The following KLF4 variants were observed in gnomAD, a reference collection of about 807,000 sequenced individuals.
KLF4 encodes the protein Krueppel-like factor 4.
In KLF4, 14 loss-of-function variants were observed where a neutral mutation model predicts 38.0. The observed-to-expected ratio is 0.37, with a 90% CI of 0.24 to 0.58. KLF4 has a LOEUF of 0.58. KLF4 is among the 20% of genes least tolerant of loss of function. The pLI, the probability that KLF4 is intolerant of heterozygous loss-of-function variation, is 0.76. For synonymous variants in KLF4, 398 were observed against 302.5 expected (o/e 1.32, Z -3.28); for missense variants, 737 against 670.1 (o/e 1.10, Z -1.10).
rs1192204949 is a variant in KLF4, at chr9:107,488,996, G to C, written c.60C>G (p.Phe20Leu). 8.9e-6 allele frequency: 14 copies of C among 1,567,984 alleles called. No individual in the cohort carries two copies. The highest frequency in any genetic ancestry group is 1.2e-5 in the Non-Finnish European group (14 of 1,155,970). ...CCGCCGGGCCAGACGCGAACGTGGA[G>C]AAAGATGGGAGCAGCGCGTCGCTGA... ...MAVSDALLPS[F>L]STFASGPAGR... The change falls in exon 2 of 5, where the codon TTC becomes TTG. Residue 20 changes from phenylalanine (F) to leucine (L), a missense_variant. Transcript: ENST00000374672. This position sits in a 1 kb window ranked among gnomAD's most constrained non-coding sequence, Gnocchi z 5.7.
Position 107,488,999 on chromosome 9 carries a change from A to G in KLF4, c.57T>C (p.Ser19=). 2 of 1,566,978 alleles carry G rather than the reference A, an allele frequency of 1.3e-6. No homozygotes were observed. Among genetic ancestry groups the G allele is most frequent in the South Asian group, 2.3e-5 (2 of 85,198 alleles). Residue 19 remains serine (S), a synonymous_variant, in exon 2 of 5, where the codon TCT becomes TCC. Coordinates refer to ENST00000374672, the MANE Select transcript of KLF4 (RefSeq NM_004235.6). This position sits in a 1 kb window ranked among gnomAD's most constrained non-coding sequence, Gnocchi z 5.7. The part of the protein sequence containing the change: ...DMAVSDALLP[S]FSTFASGPAG... ...CCGGGCCAGACGCGAACGTGGAGAA[A>G]GATGGGAGCAGCGCGTCGCTGACAG...
rs1293954713 is a variant in KLF4, at chr9:107,489,017, G to C, written c.39C>G (p.Ser13Arg). 6.4e-7 allele frequency: 1 copy of C among 1,562,424 alleles called. No individual in the cohort carries two copies. The highest frequency in any genetic ancestry group is 1.4e-5 in the African/African-American group (1 of 73,714). ...TGGAGAAAGATGGGAGCAGCGCGTC[G>C]CTGACAGCCATGTCAGACTCGCCAG... ...QPPGESDMAVSDALLPSFSTF... is the reference protein window; with the variant it reads ...QPPGESDMAVRDALLPSFSTF... The change falls in exon 2 of 5, where the codon AGC (serine) becomes AGG (arginine). Residue 13 changes from serine to arginine, a missense_variant. Ser to Arg is a moderately radical substitution (Grantham distance 110). This residue lies in a region of KLF4 where 695 missense variants were observed against 554.5 expected (regional missense o/e 1.25). Transcript: ENST00000374672.
At position 107,489,168 on chromosome 9, in the gene KLF4, C is replaced by T; in HGVS notation, c.5G>A (p.Arg2Lys). 1 of 1,523,520 alleles carries T rather than the reference C, an allele frequency of 6.6e-7. No homozygotes were observed. The highest frequency in any genetic ancestry group is 8.8e-7 in the Non-Finnish European group (1 of 1,132,062). 94.4% of individuals were successfully genotyped at this position (1,523,520 alleles called of 1,614,324 possible). A position where few individuals can be genotyped will look rare whatever the true frequency, so the allele number is the denominator to read the frequency against. Residue 2 changes from arginine (R) to lysine (K), a missense_variant and splice_region_variant, in exon 1 of 5, where the codon AGG (arginine) becomes AAG (lysine). Around this residue, in one of 2 missense-constraint regions of KLF4, gnomAD observed 695 missense variants for 554.5 expected, o/e 1.25. Coordinates refer to ENST00000374672, the MANE Select transcript of KLF4 (RefSeq NM_004235.6). MRQPPGESDMAV... is the reference protein window; with the variant it reads MKQPPGESDMAV... ...TCCCAGCGCCGCGCGCCTCACCTAC[C>T]TCATTAATGTGGGGGCCCAGAAGGT... is the stretch of plus-strand genomic sequence containing the variant.
Position 107,488,593 on chromosome 9 carries a change from G to T in KLF4, c.127-326C>A. On this transcript the variant is annotated intron_variant, in intron 2 of 4. Transcript: ENST00000374672. This position sits in a 1 kb window ranked among gnomAD's most constrained non-coding sequence, Gnocchi z 5.7. ...GGCTCTCTCGGTGCGCTCTCGCCAC[G>T]GGGCCGCCTACGCGCTAAACTCACT... is the stretch of plus-strand genomic sequence containing the variant. 2.0e-6 allele frequency: 1 copy of T among 493,132 alleles called. No individual in the cohort carries two copies. Among genetic ancestry groups the T allele is most frequent in the Non-Finnish European group, 3.6e-6 (1 of 279,818 alleles). 30.5% of individuals were successfully genotyped at this position (493,132 alleles called of 1,614,324 possible).
intron 4 of KLF4, among the ~76,000 whole-genome samples, chr9:107,486,313 G>T (rs1199097269): frequency 6.6e-6 from 1 of 151,954 alleles, no homozygotes; most frequent in African/African-American, 2.4e-5. Context: ...TTCCTACTAC[G>T]ACTGGGGATA....
In KLF4 at chr9:107,488,825, C is replaced by G. The variant is rs954280571; in HGVS notation, c.126+105G>C. On this transcript the variant is annotated intron_variant, in intron 2 of 4. Transcript: ENST00000374672. The surrounding 1 kb of genome is among the most constrained non-coding windows in gnomAD (Gnocchi z 5.7). ...TTGCGGAGTCCGCGCGGTGGCCGCT[C>G]CTTACCCTCGTTCAGTGGCTCTTGG... 2.1e-6 allele frequency: 3 copies of G among 1,448,010 alleles called. No homozygotes were observed. The highest frequency in any genetic ancestry group is 2.8e-6 in the Non-Finnish European group (3 of 1,080,568). The allele number at this position is 1,448,010 out of a possible 1,614,324, so 89.7% of individuals were successfully genotyped here.
At chr9:107,486,043 GA>G in intron 4 of KLF4, 117 bp from the exon 5 acceptor site, 1 of 851,672 alleles carries the variant, frequency 1.2e-6, no homozygotes, top group Non-Finnish European at 1.8e-6. Flanking sequence ...AGAAATCCAG[GA>G]ATGTCTTTAT....
Position 107,488,208 on chromosome 9 carries a change from G to A in KLF4, c.186C>T (p.Pro62=). ...KRLPPVLPGR[P]YDLAAATVAT... is the part of the protein sequence containing the mutation. ...CCACGGTCGCCGCCGCCAGGTCATA[G>A]GGGCGGCCGGGAAGCACTGGGGGAA... Residue 62 remains proline (P), a synonymous_variant, in exon 3 of 5, where the codon CCC becomes CCT. Coordinates refer to ENST00000374672, the MANE Select transcript of KLF4 (RefSeq NM_004235.6). This position sits in a 1 kb window ranked among gnomAD's most constrained non-coding sequence, Gnocchi z 5.7. 3 of 1,611,716 alleles carry A rather than the reference G, an allele frequency of 1.9e-6. No individual in the cohort carries two copies. The highest frequency in any genetic ancestry group is 2.5e-6 in the Non-Finnish European group (3 of 1,179,492).
At position 107,485,072 on chromosome 9, in the gene KLF4, T is replaced by G. The variant is rs1408479421; in HGVS notation, c.*679A>C. The G allele has an allele frequency of 4.9e-6, 1 of 202,538 alleles. No homozygotes were observed. Among genetic ancestry groups the G allele is most frequent in the East Asian group, 7.7e-5 (1 of 13,014 alleles). 12.5% of individuals were successfully genotyped at this position (202,538 alleles called of 1,614,324 possible). Reference sequence around the variant, plus strand: ...TGGGAATAAACCATTGTACAAATTATTGCACATCTGAAACCACAGTGCATA... The same window carrying G: ...TGGGAATAAACCATTGTACAAATTAGTGCACATCTGAAACCACAGTGCATA... On this transcript the variant is annotated 3_prime_UTR_variant, in exon 5 of 5. Transcript: ENST00000374672. This position sits in a 1 kb window ranked among gnomAD's most constrained non-coding sequence, Gnocchi z 4.9.
chr9:107,488,200 A>C lies in KLF4; in HGVS notation c.194T>G (p.Leu65Arg). Reference protein sequence around the residue: ...PPVLPGRPYDLAAATVATDLE... With the variant: ...PPVLPGRPYDRAAATVATDLE... The stretch of plus-strand genomic sequence containing the variant: ...GTCTGTGGCCACGGTCGCCGCCGCC[A>C]GGTCATAGGGGCGGCCGGGAAGCAC... The change falls in exon 3 of 5, where the codon CTG (leucine) becomes CGG (arginine). Residue 65 changes from leucine to arginine, a missense_variant. Transcript: ENST00000374672. This position sits in a 1 kb window ranked among gnomAD's most constrained non-coding sequence, Gnocchi z 5.7. 1 of 1,612,048 alleles carries C rather than the reference A, an allele frequency of 6.2e-7. No individual in the cohort carries two copies. Among genetic ancestry groups the C allele is most frequent in the Non-Finnish European group, 8.5e-7 (1 of 1,179,650 alleles).
Position 107,487,500 on chromosome 9 carries a change from G to C in KLF4, c.894C>G (p.His298Gln). The part of the protein sequence containing the change: ...LGAGPPLSNG[H>Q]RPAAHDFPLG... The stretch of plus-strand genomic sequence containing the variant: ...GGGGGAAGTCGTGTGCAGCCGGCCG[G>C]TGGCCATTGCTGAGAGGGGGTCCAG... Residue 298 changes from histidine to glutamine, a missense_variant, in exon 3 of 5, where the codon CAC becomes CAG. Around this residue, in one of 2 missense-constraint regions of KLF4, gnomAD observed 695 missense variants for 554.5 expected, o/e 1.25. Coordinates refer to ENST00000374672, the MANE Select transcript of KLF4 (RefSeq NM_004235.6). The surrounding 1 kb of genome is among the most constrained non-coding windows in gnomAD (Gnocchi z 6.1). 1.9e-6 allele frequency: 3 copies of C among 1,543,426 alleles called. 1 individual carries two copies. Among genetic ancestry groups the C allele is most frequent in the Middle Eastern group, 3.5e-4 (2 of 5,702 alleles).
chr9:107,485,336 A>G lies in KLF4; in HGVS notation c.*415T>C, dbSNP rs1829041418. 1 of 229,094 alleles carries G rather than the reference A, an allele frequency of 4.4e-6. No individual in the cohort carries two copies. The highest frequency in any genetic ancestry group is 5.7e-5 in the Admixed American group (1 of 17,604). 14.2% of individuals were successfully genotyped at this position (229,094 alleles called of 1,614,324 possible). A position where few individuals can be genotyped will look rare whatever the true frequency, so the allele number is the denominator to read the frequency against. Reference sequence around the variant, plus strand: ...TTCCTCTTCTTCTAACATCATAATAATGGCTTTTAGAAGGTAAAGAGAATA... The same window carrying G: ...TTCCTCTTCTTCTAACATCATAATAGTGGCTTTTAGAAGGTAAAGAGAATA... On this transcript the variant is annotated 3_prime_UTR_variant, in exon 5 of 5. Transcript: ENST00000374672. This position sits in a 1 kb window ranked among gnomAD's most constrained non-coding sequence, Gnocchi z 4.9.
At position 107,489,012 on chromosome 9, in the gene KLF4, G is replaced by A. The variant is rs1829142287; in HGVS notation, c.44C>T (p.Ala15Val). The A allele has an allele frequency of 6.4e-7, 1 of 1,563,830 alleles. No homozygotes were observed. The highest frequency in any genetic ancestry group is 2.4e-5 in the East Asian group (1 of 42,008). Reference protein sequence around the residue: ...PGESDMAVSDALLPSFSTFAS... With the variant: ...PGESDMAVSDVLLPSFSTFAS... ...GAACGTGGAGAAAGATGGGAGCAGC[G>A]CGTCGCTGACAGCCATGTCAGACTC... is the stretch of plus-strand genomic sequence containing the variant. Residue 15 changes from alanine (A) to valine (V), a missense_variant, in exon 2 of 5, where the codon GCG becomes GTG. Ala to Val is a moderately conservative substitution (Grantham distance 64, BLOSUM62 0). Around this residue, in one of 2 missense-constraint regions of KLF4, gnomAD observed 695 missense variants for 554.5 expected, o/e 1.25. Coordinates refer to ENST00000374672, the MANE Select transcript of KLF4 (RefSeq NM_004235.6).
In KLF4 at chr9:107,487,788, C is replaced by T. The variant is rs762471394; in HGVS notation, c.606G>A (p.Glu202=). The T allele has an allele frequency of 7.3e-5, 112 of 1,542,958 alleles. No individual in the cohort carries two copies. In the South Asian group the frequency reaches 1.2e-3, roughly 17 times the overall value. ...DVSPSGGFVA[E]LLRPELDPVY... is the part of the protein sequence containing the mutation. ...CCGGGTCCAATTCTGGCCGCAGGAGCTCGGCCACGAAGCCGCCCGAGGGGC... is the reference window on the plus strand; with the variant it reads ...CCGGGTCCAATTCTGGCCGCAGGAGTTCGGCCACGAAGCCGCCCGAGGGGC... Residue 202 remains glutamate (E), a synonymous_variant, in exon 3 of 5, where the codon GAG becomes GAA. Transcript: ENST00000374672. The surrounding 1 kb of genome is among the most constrained non-coding windows in gnomAD (Gnocchi z 6.1).
rs989942252 is a variant in KLF4, at chr9:107,487,721, G to C, written c.673C>G (p.Leu225Val). 7 of 1,598,966 alleles carry C rather than the reference G, an allele frequency of 4.4e-6. No individual in the cohort carries two copies. The highest frequency in any genetic ancestry group is 5.1e-6 in the Non-Finnish European group (6 of 1,173,904). Reference protein sequence around the residue: ...PQQPQPPGGGLMGKFVLKASL... With the variant: ...PQQPQPPGGGVMGKFVLKASL... The stretch of plus-strand genomic sequence containing the variant: ...GCCTTCAGCACGAACTTGCCCATCA[G>C]CCCGCCACCTGGCGGCTGCGGCTGC... The change falls in exon 3 of 5, where the codon CTG becomes GTG. Residue 225 changes from leucine to valine, a missense_variant. Physicochemically the swap from Leu to Val is conservative, Grantham distance 32. Coordinates refer to ENST00000374672, the MANE Select transcript of KLF4 (RefSeq NM_004235.6). This position sits in a 1 kb window ranked among gnomAD's most constrained non-coding sequence, Gnocchi z 6.1.
chr9:107,487,829 C>T lies in KLF4; in HGVS notation c.565G>A (p.Asp189Asn), dbSNP rs767399591. 3.3e-6 allele frequency: 5 copies of T among 1,528,842 alleles called. No homozygotes were observed. Among genetic ancestry groups the T allele is most frequent in the Non-Finnish European group, 4.4e-6 (5 of 1,135,680 alleles). 94.7% of individuals were successfully genotyped at this position (1,528,842 alleles called of 1,614,324 possible). A position where few individuals can be genotyped will look rare whatever the true frequency, so the allele number is the denominator to read the frequency against. ...CCCGAGGGGCTCACGTCGTTGATGT[C>T]CGCCAGGTTGAAGGGAGCCGTCGGA... The part of the protein sequence containing the change: ...PPPTAPFNLA[D>N]INDVSPSGGF... Residue 189 changes from aspartate to asparagine, a missense_variant, in exon 3 of 5, where the codon GAC becomes AAC. Coordinates refer to ENST00000374672, the MANE Select transcript of KLF4 (RefSeq NM_004235.6). The surrounding 1 kb of genome is among the most constrained non-coding windows in gnomAD (Gnocchi z 6.1).
rs774867580 is a variant in KLF4 at position 107,488,946 on chromosome 9, G to A, written c.110C>T (p.Ala37Val). The A allele has an allele frequency of 7.1e-6, 11 of 1,558,594 alleles. No individual in the cohort carries two copies. The South Asian group carries it at 1.1e-4, about 15-fold the overall frequency. The part of the protein sequence containing the change: ...PAGREKTLRQ[A>V]GAPNNRWREE... Reference sequence around the variant, plus strand: ...GATACTCACGTTATTCGGGGCACCTGCTTGACGCAGTGTCTTCTCCCTTCC... The same window carrying A: ...GATACTCACGTTATTCGGGGCACCTACTTGACGCAGTGTCTTCTCCCTTCC... Residue 37 changes from alanine (A) to valine (V), a missense_variant, in exon 2 of 5, where the codon GCA (alanine) becomes GTA (valine). Physicochemically the swap from Ala to Val is moderately conservative, Grantham distance 64. Coordinates refer to ENST00000374672, the MANE Select transcript of KLF4 (RefSeq NM_004235.6). This position sits in a 1 kb window ranked among gnomAD's most constrained non-coding sequence, Gnocchi z 5.7.
chr9:107,485,784 G>A lies in KLF4; in HGVS notation c.1407C>T (p.Asp469=), dbSNP rs1211653119. The change falls in exon 5 of 5, where the codon GAC becomes GAT. Residue 469 remains aspartate, a synonymous_variant. Transcript: ENST00000374672. This position sits in a 1 kb window ranked among gnomAD's most constrained non-coding sequence, Gnocchi z 4.9. ...QKCDRAFSRS[D]HLALHMKRHF ...GCCTCTTCATGTGTAAGGCGAGGTG[G>A]TCCGACCTGGAAAATGCTCGGTCGC... 6.2e-7 allele frequency: 1 copy of A among 1,606,938 alleles called. No homozygotes were observed. The highest frequency in any genetic ancestry group is 1.7e-5 in the Admixed American group (1 of 58,132).
intron 4 of KLF4, among the ~76,000 whole-genome samples, chr9:107,486,677 A>G (rs974825845): frequency 1.2e-4 from 18 of 152,172 alleles, no homozygotes; most frequent in African/African-American, 3.9e-4. Context: ...TTTGCATAGC[A>G]AAGTATAATT....
Sources: allele counts gnomAD v4.1 joint callset (sites outside exome capture counted in the v4.1 genomes callset), GRCh38; gene constraint gnomAD v4.1.1; regional missense constraint gnomAD v4.1.1; non-coding constraint Gnocchi (gnomAD v3.1); transcripts MANE v1.5; gene names NCBI Gene and HGNC (gene_info 2026-07-23, HGNC 2026-07-21).